GRM7: variants seen among roughly 807,000 people sequenced by gnomAD.
GRM7 encodes the protein metabotropic glutamate receptor 7.
GRM7 carries 35 observed loss-of-function variants against 84.5 expected under a neutral mutation model. That is an observed-to-expected ratio of 0.41 (90% confidence interval 0.32 to 0.55). The LOEUF is 0.55. Ranked by LOEUF, GRM7 falls within the 20% of genes least tolerant of loss-of-function variation. The pLI, the probability that GRM7 is intolerant of heterozygous loss-of-function variation, is 0.19. For synonymous variants in GRM7, 487 were observed against 455.1 expected (o/e 1.07, Z -0.89); for missense variants, 1,003 against 1,194.6 (o/e 0.84, Z 2.36).
At chr3:7,021,384 G>A (rs535504396) in intron 1 of GRM7, among the ~76,000 whole-genome samples, 2 of 152,292 alleles carry the variant, frequency 1.3e-5, no homozygotes, top group South Asian at 4.1e-4. Flanking sequence ...TGAGTACATG[G>A]AAGAGAAGGT....
intron 9 of GRM7, 107 bp from the exon 10 acceptor site, chr3:7,740,250 T>TTA: frequency 1.4e-6 from 1 of 713,880 alleles, no homozygotes; most frequent in Non-Finnish European, 2.4e-6. Flanking sequence ...TTCAGAGCTG[T>TTA]ATCACCTCAC....
chr3:7,573,753 A>G (rs569137517), intron 7 of GRM7, among the ~76,000 whole-genome samples: 2 of 152,354 alleles, frequency 1.3e-5, no homozygotes, highest in South Asian at 2.1e-4. Context: ...TTCTGAATTC[A>G]GTACTTTACC....
At chr3:7,014,301 G>T (rs1232637046) in intron 1 of GRM7, among the ~76,000 whole-genome samples, 4 of 151,972 alleles carry the variant, frequency 2.6e-5, no homozygotes, top group African/African-American at 4.8e-5. Flanking sequence ...GATTAAATCA[G>T]CAAAATTAGT....
chr3:7,383,035 C>T (rs534113186), intron 4 of GRM7, among the ~76,000 whole-genome samples: 12 of 152,266 alleles, frequency 7.9e-5, no homozygotes, highest in South Asian at 2.1e-4. Context: ...TTCTCGTGCT[C>T]CTTAGCGAGT....
At chr3:7,270,571 C>T (rs1237603884) in intron 2 of GRM7, among the ~76,000 whole-genome samples, 1 of 151,884 alleles carries the variant, frequency 6.6e-6, no homozygotes, top group African/African-American at 2.4e-5. Context: ...TCCATGATAC[C>T]TTAGATTGGC....
intron 1 of GRM7, among the ~76,000 whole-genome samples, chr3:6,876,632 C>T (rs1272100846): frequency 7.9e-6 from 1 of 126,834 alleles, no homozygotes; most frequent in Non-Finnish European, 1.6e-5. Flanking sequence ...GAAGGTGTCT[C>T]GCTGTATCGC....
At chr3:6,988,422 G>A (rs1480686049) in intron 1 of GRM7, among the ~76,000 whole-genome samples, 1 of 151,922 alleles carries the variant, frequency 6.6e-6, no homozygotes, top group African/African-American at 2.4e-5. Context: ...TGTTCTCCAA[G>A]AATGCTGCTC....
chr3:7,054,190 A>G (rs191097108), intron 1 of GRM7, among the ~76,000 whole-genome samples: 1 of 150,502 alleles, frequency 6.6e-6, no homozygotes, highest in African/African-American at 2.4e-5. Flanking sequence ...AGTTTTTTGT[A>G]GGTTCCTTAA....
intron 1 of GRM7, among the ~76,000 whole-genome samples, chr3:7,127,766 AT>A (rs1303341155): frequency 1.3e-5 from 2 of 151,862 alleles, no homozygotes; most frequent in Non-Finnish European, 2.9e-5. Flanking sequence ...GGTTTGGGAT[AT>A]TTTGCCTTTT....
At chr3:7,020,899 A>G (rs1285443679) in intron 1 of GRM7, among the ~76,000 whole-genome samples, 1 of 152,188 alleles carries the variant, frequency 6.6e-6, no homozygotes, top group Non-Finnish European at 1.5e-5. Context: ...GATGACAGTC[A>G]AGTTACATAA....
At chr3:7,678,071 G>A (rs1442524111) in intron 8 of GRM7, among the ~76,000 whole-genome samples, 1 of 152,124 alleles carries the variant, frequency 6.6e-6, no homozygotes, top group Non-Finnish European at 1.5e-5. Flanking sequence ...AGACACTGGG[G>A]CCTAATAGAA....
intron 9 of GRM7, chr3:7,681,608 G>A (rs1700371259): frequency 6.6e-6 from 1 of 152,206 alleles, no homozygotes; most frequent in Admixed American, 6.5e-5. Flanking sequence ...ATACTGAGAA[G>A]GGAGGAACAG....
At position 7,475,461 on chromosome 3, in the gene GRM7, AT is replaced by A. The variant is rs376146273; in HGVS notation, c.1515+13749del. 1.8e-3 allele frequency among the ~76,000 whole-genome samples: 275 copies of A among 150,608 alleles called. 3 individuals are homozygous for A. Among genetic ancestry groups the A allele is most frequent in the African/African-American group, 5.9e-3 (242 of 41,134 alleles). ...TTCGTGTGCATATTTCCTGATAATT[AT>A]TTTTTTTTTCCATTAACAGTATAGA... On this transcript the variant is annotated intron_variant, in intron 7 of 9. Transcript: ENST00000357716.
At chr3:7,153,479 C>T (rs1020840267) in intron 2 of GRM7, among the ~76,000 whole-genome samples, 5 of 152,060 alleles carry the variant, frequency 3.3e-5, no homozygotes, top group Non-Finnish European at 5.9e-5. Flanking sequence ...TTTCAACACT[C>T]GATACCCAGA....
At chr3:7,128,569 GCGAT>G (rs1394163194) in intron 1 of GRM7, among the ~76,000 whole-genome samples, 13 of 113,822 alleles carry the variant, frequency 1.1e-4, no homozygotes, top group African/African-American at 4.6e-4. Flanking sequence ...GTGCAGTGGC[GCGAT>G]CTGTGTTCAC....
At chr3:7,403,622 G>GATATATAAAT (rs1695544934) in intron 4 of GRM7, among the ~76,000 whole-genome samples, 1 of 126,952 alleles carries the variant, frequency 7.9e-6, no homozygotes, top group African/African-American at 2.8e-5. Flanking sequence ...GAGTAATTCT[G>GATATATAAAT]ATATATATAT....
At chr3:6,939,385 A>C (rs1015279681) in intron 1 of GRM7, among the ~76,000 whole-genome samples, 12 of 152,124 alleles carry the variant, frequency 7.9e-5, no homozygotes, top group Non-Finnish European at 1.8e-4. Context: ...ACCACCTCCA[A>C]ACATGTGGGT....
intron 1 of GRM7, among the ~76,000 whole-genome samples, chr3:6,887,984 A>G (rs1218730242): frequency 6.6e-6 from 1 of 152,182 alleles, no homozygotes; most frequent in East Asian, 1.9e-4. Context: ...ATGGCCAGTG[A>G]TGGTGAGCAT....
At chr3:7,727,602 C>G (rs2106524050) in intron 9 of GRM7, among the ~76,000 whole-genome samples, 1 of 152,232 alleles carries the variant, frequency 6.6e-6, no homozygotes, top group Middle Eastern at 3.4e-3. Flanking sequence ...AGCTGGTCAG[C>G]TTCATACACA....
Sources: allele counts gnomAD v4.1 joint callset (sites outside exome capture counted in the v4.1 genomes callset), GRCh38; gene constraint gnomAD v4.1.1; transcripts MANE v1.5; gene names NCBI Gene and HGNC (gene_info 2026-07-23, HGNC 2026-07-21).